The following LMLN variants were observed in gnomAD, a reference collection of about 807,000 sequenced individuals.
The protein encoded by LMLN is leishmanolysin like peptidase.
LMLN carries 70 observed loss-of-function variants against 92.3 expected under a neutral mutation model. The observed-to-expected ratio is 0.76, with a 90% CI of 0.63 to 0.92. The LOEUF (loss-of-function observed/expected upper bound fraction) is 0.92. LMLN is among the 40% of genes least tolerant of loss of function. The pLI, the probability that LMLN is intolerant of heterozygous loss-of-function variation, is 0.00. For synonymous variants in LMLN, 308 were observed against 296.2 expected (o/e 1.04, Z -0.41); for missense variants, 691 against 814.6 (o/e 0.85, Z 1.85).
At chr3:198,024,242 GTC>G (rs996490144) in intron 13 of LMLN, among the ~76,000 whole-genome samples, 4 of 144,502 alleles carry the variant, frequency 2.8e-5, no homozygotes, top group African/African-American at 7.7e-5. Flanking sequence ...TTGAGACGGA[GTC>G]TCTCTCTGTC....
intron 1 of LMLN, among the ~76,000 whole-genome samples, chr3:197,970,500 C>T (rs1721193302): frequency 6.6e-6 from 1 of 152,198 alleles, no homozygotes; most frequent in Non-Finnish European, 1.5e-5. Flanking sequence ...TGCTTAATTC[C>T]TTCAGCAGTG....
chr3:197,974,096 T>A (rs1370342782), intron 1 of LMLN, among the ~76,000 whole-genome samples: 1 of 152,232 alleles, frequency 6.6e-6, no homozygotes, highest in Non-Finnish European at 1.5e-5. Flanking sequence ...TTATGTAAGA[T>A]CACTACAAAT....
chr3:198,028,463 A>T (rs6803926), intron 14 of LMLN, among the ~76,000 whole-genome samples: 10,118 of 152,316 alleles, frequency 0.066, 402 homozygotes, highest in African/African-American at 0.11. Flanking sequence ...TAAATGAAAT[A>T]AAAAGTGGGA....
chr3:197,988,408 T>G (rs1312893628), intron 8 of LMLN, among the ~76,000 whole-genome samples: 1 of 151,936 alleles, frequency 6.6e-6, no homozygotes, highest in East Asian at 1.9e-4. Flanking sequence ...TTTTTTTGAT[T>G]TATGTATTTT....
chr3:197,998,255 AATAG>A (rs1257195881), intron 10 of LMLN, among the ~76,000 whole-genome samples: 2 of 152,228 alleles, frequency 1.3e-5, no homozygotes, highest in African/African-American at 2.4e-5. Context: ...GATCTGCTTA[AATAG>A]ATAGTTGCAG....
chr3:198,037,260 A>G (rs955682753), intron 15 of LMLN, among the ~76,000 whole-genome samples: 2 of 152,240 alleles, frequency 1.3e-5, no homozygotes, highest in African/African-American at 2.4e-5. Flanking sequence ...GCCACCAGCA[A>G]AGGCCCTCCT....
chr3:198,038,251 A>G, intron 15 of LMLN: 1 of 283,366 alleles, frequency 3.5e-6, no homozygotes, highest in South Asian at 4.7e-5. Context: ...AGAATAAAAG[A>G]AGAAAGTTCT....
chr3:198,005,414 T>G (rs1016089306), intron 11 of LMLN, among the ~76,000 whole-genome samples: 1 of 152,102 alleles, frequency 6.6e-6, no homozygotes, highest in Non-Finnish European at 1.5e-5. Context: ...TGTAAAAGTT[T>G]CTTATATAAA....
chr3:197,961,324 A>C (rs1456705007), intron 1 of LMLN, among the ~76,000 whole-genome samples: 1 of 152,162 alleles, frequency 6.6e-6, no homozygotes, highest in Non-Finnish European at 1.5e-5. Flanking sequence ...TGAGAAAGGG[A>C]GAGTACCTGG....
At chr3:198,012,836 C>T (rs1722489662) in intron 11 of LMLN, among the ~76,000 whole-genome samples, 1 of 147,382 alleles carries the variant, frequency 6.8e-6, no homozygotes, top group African/African-American at 2.6e-5. Context: ...TTCTCTCCAC[C>T]CTTCAGAGTC....
chr3:198,036,624 TGAG>T lies in LMLN; in HGVS notation c.1867+585_1867+587del, dbSNP rs531957179. Reference sequence around the variant, plus strand: ...AACTGGCACCAAGAGATTGAAGTTATGAGGAGACAGATGCCAATTAAACCCTTT... The same window carrying T: ...AACTGGCACCAAGAGATTGAAGTTATGAGACAGATGCCAATTAAACCCTTT... On this transcript the variant is annotated intron_variant, in intron 15 of 15. Transcript: ENST00000330198. Among the ~76,000 whole-genome samples the T allele has an allele frequency of 2.1e-3, 316 of 152,166 alleles. 13 individuals carry two copies. Among genetic ancestry groups the T allele is most frequent in the Admixed American group, 0.021 (314 of 15,286 alleles).
chr3:198,002,159 CT>C (rs993152898), intron 11 of LMLN, among the ~76,000 whole-genome samples: 4 of 149,632 alleles, frequency 2.7e-5, no homozygotes, highest in African/African-American at 4.9e-5. Flanking sequence ...CTTACTAGAA[CT>C]TTTTTTTTTG....
intron 7 of LMLN, among the ~76,000 whole-genome samples, chr3:197,984,378 CAG>C (rs980312601): frequency 2.5e-4 from 38 of 151,944 alleles, no homozygotes; most frequent in Non-Finnish European, 4.7e-4. Context: ...AACAAACAAA[CAG>C]AAAGATTTAT....
At chr3:198,022,887 C>A (rs1440858357) in intron 13 of LMLN, among the ~76,000 whole-genome samples, 3 of 152,032 alleles carry the variant, frequency 2.0e-5, no homozygotes, top group Non-Finnish European at 4.4e-5. Flanking sequence ...AATAAATATC[C>A]TAACAACTTA....
chr3:198,009,389 C>T (rs1722374702), intron 11 of LMLN, among the ~76,000 whole-genome samples: 1 of 152,106 alleles, frequency 6.6e-6, no homozygotes, highest in Non-Finnish European at 1.5e-5. Context: ...TGTAATTCCT[C>T]TCTTTATCTC....
intron 11 of LMLN, among the ~76,000 whole-genome samples, chr3:198,007,491 A>G (rs1246193173): frequency 6.6e-6 from 1 of 152,114 alleles, no homozygotes; most frequent in Non-Finnish European, 1.5e-5. Flanking sequence ...AGTTGGGTGT[A>G]TTTGTGGTGA....
intron 1 of LMLN, among the ~76,000 whole-genome samples, chr3:197,970,523 G>A (rs981728212): frequency 2.0e-5 from 3 of 152,180 alleles, no homozygotes; most frequent in South Asian, 2.1e-4. Context: ...TTGTGACAGC[G>A]TGCACAAAGT....
intron 3 of LMLN, 126 bp from the exon 4 acceptor site, chr3:197,975,903 C>A: frequency 1.7e-6 from 1 of 586,900 alleles, no homozygotes; most frequent in Non-Finnish European, 3.0e-6. Context: ...ACAACCTTGA[C>A]TAACTAATAT....
intron 10 of LMLN, 155 bp downstream of exon 10, chr3:197,996,437 A>T: frequency 1.1e-5 from 5 of 475,704 alleles, no homozygotes. Context: ...GTCACTCCTT[A>T]CTTTTTTTGT....
Sources: gnomAD v4.1 joint callset for allele counts (sites outside exome capture counted in the v4.1 genomes callset) on GRCh38, gnomAD v4.1.1 for gene constraint, MANE v1.5 for transcripts, NCBI Gene and HGNC (gene_info 2026-07-23, HGNC 2026-07-21) for gene names.